The following NPRL3 variants were observed in gnomAD, a reference collection of about 807,000 sequenced individuals.
The protein encoded by NPRL3 is NPR3 like, GATOR1 complex subunit, also known as GATOR1 complex protein NPRL3.
Under a neutral mutation model 57.2 loss-of-function variants are expected in NPRL3, and 23 were observed. That is an observed-to-expected ratio of 0.40 (90% CI 0.29 to 0.57). NPRL3 has a LOEUF of 0.57. NPRL3 is among the 20% of genes least tolerant of loss of function. The probability of loss-of-function intolerance (pLI) is 0.42; values close to 1 mark genes in which losing one functional copy is unlikely to be tolerated. For synonymous variants in NPRL3, 333 were observed against 321.1 expected (o/e 1.04, Z -0.39); for missense variants, 691 against 767.1 (o/e 0.90, Z 1.17).
intron 13 of NPRL3, among the ~76,000 whole-genome samples, chr16:88,316 G>T (rs911150096): frequency 6.6e-6 from 1 of 151,334 alleles, no homozygotes; most frequent in South Asian, 2.1e-4. Context: ...GGGAAGCGGA[G>T]CTTGCAGTGA....
intron 2 of NPRL3, among the ~76,000 whole-genome samples, chr16:131,435 C>T (rs1019996025): frequency 6.2e-5 from 8 of 129,594 alleles, no homozygotes; most frequent in Middle Eastern, 8.1e-3. Context: ...GCCAAGATCG[C>T]GCCACTGTAC....
At chr16:98,817 G>C (rs1418982651) in intron 8 of NPRL3, among the ~76,000 whole-genome samples, 1 of 152,108 alleles carries the variant, frequency 6.6e-6, no homozygotes. Context: ...ACCCACCTGG[G>C]GTCCCAGCTA....
chr16:118,862 C>T lies in NPRL3; in HGVS notation c.318+264G>A, dbSNP rs549485930. Among the ~76,000 whole-genome samples the T allele has an allele frequency of 8.6e-5, 13 of 152,002 alleles. No homozygotes were observed. The South Asian group carries it at 2.5e-3, about 29-fold the overall frequency. ...AGAACCCCACCTGCCCAAGGACAGA[C>T]GCATCTGCCCAGGGGAAGCCACACC... On this transcript the variant is annotated intron_variant, in intron 4 of 13. Transcript: ENST00000611875.
rs1898433484 is a variant in NPRL3 at position 85,723 on chromosome 16, C to T, written c.*982G>A. The T allele has an allele frequency of 1.3e-6, 2 of 1,531,146 alleles. No individual in the cohort carries two copies. Among genetic ancestry groups the T allele is most frequent in the Non-Finnish European group, 8.8e-7 (1 of 1,136,536 alleles). 94.8% of individuals were successfully genotyped at this position (1,531,146 alleles called of 1,614,324 possible). A position where few individuals can be genotyped will look rare whatever the true frequency, so the allele number is the denominator to read the frequency against. ...AACCCCTCCGCTTCTATGTCCGGGG[C>T]AGCCCCTGGGTCAGTGTGGTCGACA... On this transcript the variant is annotated 3_prime_UTR_variant, in exon 14 of 14. Transcript: ENST00000611875.
intron 5 of NPRL3, among the ~76,000 whole-genome samples, chr16:114,129 C>T (rs1899930734): frequency 6.6e-6 from 1 of 152,172 alleles, no homozygotes; most frequent in Non-Finnish European, 1.5e-5. Context: ...AGGAGGAGGA[C>T]AATGATCCTG....
chr16:130,749 T>C (rs1344612676), intron 2 of NPRL3, among the ~76,000 whole-genome samples, 158 bp from the exon 3 acceptor site: 1 of 152,250 alleles, frequency 6.6e-6, no homozygotes, highest in East Asian at 1.9e-4. Context: ...TGGGTGAACC[T>C]TGACAACATC....
At chr16:93,022 CCA>C (rs1047283565) in intron 10 of NPRL3, 195 bp downstream of exon 10, 6 of 618,684 alleles carry the variant, frequency 9.7e-6, no homozygotes, top group African/African-American at 9.2e-5. Context: ...CACAGGAGAG[CCA>C]CAGAGCACAG....
intron 7 of NPRL3, among the ~76,000 whole-genome samples, chr16:105,017 A>G (rs1018264836): frequency 7.2e-5 from 11 of 152,144 alleles, no homozygotes; most frequent in Non-Finnish European, 1.3e-4. Flanking sequence ...CCGAGCTTGC[A>G]CTTCTATTTG....
chr16:131,597 C>CAA (rs59373757), intron 2 of NPRL3, among the ~76,000 whole-genome samples: 2,034 of 69,172 alleles, frequency 0.029, 158 homozygotes, highest in African/African-American at 0.04. Flanking sequence ...GACTCAGTCT[C>CAA]AAAAAAAAAA....
rs777501858 is a variant in NPRL3 at position 118,997 on chromosome 16, G to A, written c.318+129C>T. 8.8e-4 allele frequency: 1,213 copies of A among 1,373,758 alleles called. 2 individuals carry two copies. The highest frequency in any genetic ancestry group is 1.8e-3 in the Admixed American group (83 of 45,366). 85.1% of individuals were successfully genotyped at this position (1,373,758 alleles called of 1,614,324 possible). On this transcript the variant is annotated intron_variant, in intron 4 of 13. Coordinates refer to ENST00000611875, the MANE Select transcript of NPRL3 (RefSeq NM_001077350.3). ...AGGGGGAGCCCCACCTGCCCAAGGA[G>A]AGCCACACCTGCCCAGGGGAAGCCA... is the stretch of plus-strand genomic sequence containing the variant.
In NPRL3 at chr16:86,767, C is replaced by G. The variant is rs188724206; in HGVS notation, c.1648G>C (p.Val550Leu). The G allele has an allele frequency of 1.9e-5, 30 of 1,596,002 alleles. No individual in the cohort carries two copies. Among genetic ancestry groups the G allele is most frequent in the South Asian group, 1.0e-4 (9 of 88,100 alleles). Residue 550 changes from valine (V) to leucine (L), a missense_variant, in exon 14 of 14, where the codon GTG becomes CTG. Val to Leu is a conservative substitution (Grantham distance 32). Coordinates refer to ENST00000611875, the MANE Select transcript of NPRL3 (RefSeq NM_001077350.3). Reference protein sequence around the residue: ...LLMLFDKFRSVLVVTTHEDPV... With the variant: ...LLMLFDKFRSLLVVTTHEDPV... ...TCCTCGTGGGTGGTCACCACCAGCA[C>G]GCTGCGGAACTTGTCAAACAGCATG... is the stretch of plus-strand genomic sequence containing the variant.
chr16:127,866 G>C (rs564551781), intron 3 of NPRL3, among the ~76,000 whole-genome samples: 15 of 151,364 alleles, frequency 9.9e-5, no homozygotes, highest in East Asian at 7.8e-4. Flanking sequence ...GTGTTAGCCA[G>C]GATGAGTCTC....
At chr16:99,929 GTC>G (rs1226803839) in intron 8 of NPRL3, among the ~76,000 whole-genome samples, 2 of 119,574 alleles carry the variant, frequency 1.7e-5, no homozygotes, top group Non-Finnish European at 3.2e-5. Context: ...TCAAAACTCT[GTC>G]TCTCTCTCAC....
intron 3 of NPRL3, among the ~76,000 whole-genome samples, chr16:121,886 TG>T (rs1213074167): frequency 6.6e-6 from 1 of 151,704 alleles, no homozygotes; most frequent in Non-Finnish European, 1.5e-5. Flanking sequence ...GCAATTCTCC[TG>T]CCTCAGCCTC....
At chr16:136,764 G>A (rs1240271361) in intron 2 of NPRL3, among the ~76,000 whole-genome samples, 3 of 151,840 alleles carry the variant, frequency 2.0e-5, no homozygotes, top group Non-Finnish European at 2.9e-5. Context: ...CAGAAAAATG[G>A]GAACAGTAGT....
chr16:110,495 G>A, intron 7 of NPRL3, 30 bp downstream of exon 7: 2 of 1,584,906 alleles, frequency 1.3e-6, no homozygotes, highest in Non-Finnish European at 1.7e-6. Flanking sequence ...CCATAAGAAG[G>A]AGGTTAATAA....
chr16:121,693 A>G (rs1405436389), intron 3 of NPRL3, among the ~76,000 whole-genome samples: 1 of 152,000 alleles, frequency 6.6e-6, no homozygotes, highest in Admixed American at 6.6e-5. Context: ...GGTGGTAGTT[A>G]GCCATTGTTT....
chr16:106,629 T>TAAAAAAAAA (rs763058746), intron 7 of NPRL3, among the ~76,000 whole-genome samples: 3 of 60,090 alleles, frequency 5.0e-5, no homozygotes, highest in African/African-American at 1.3e-4. Flanking sequence ...TGCCTTAAAT[T>TAAAAAAAAA]AAAAAAAAAA....
rs138609827 is a variant in NPRL3, at chr16:85,678, T to C, written c.*1027A>G. On this transcript the variant is annotated 3_prime_UTR_variant, in exon 14 of 14. Coordinates refer to ENST00000611875, the MANE Select transcript of NPRL3 (RefSeq NM_001077350.3). Reference sequence around the variant, plus strand: ...CAGCAGCCCGGGTGGGCGTCGGCCATGCAGGGGAGTGGGCCCGGAAACCCC... The same window carrying C: ...CAGCAGCCCGGGTGGGCGTCGGCCACGCAGGGGAGTGGGCCCGGAAACCCC... 4 of 1,567,148 alleles carry C rather than the reference T, an allele frequency of 2.6e-6. No homozygotes were observed. Among genetic ancestry groups the C allele is most frequent in the Middle Eastern group, 1.7e-4 (1 of 5,836 alleles).
Sources: allele counts gnomAD v4.1 joint callset (sites outside exome capture counted in the v4.1 genomes callset), GRCh38; gene constraint gnomAD v4.1.1; transcripts MANE v1.5; gene names NCBI Gene and HGNC (gene_info 2026-07-23, HGNC 2026-07-21).